NECAP2: variants seen among roughly 807,000 people sequenced by gnomAD.
NECAP2 encodes NECAP endocytosis associated 2.
NECAP2 carries 38 observed loss-of-function variants against 37.8 expected under a neutral mutation model. The observed-to-expected ratio is 1.01, with a 90% CI of 0.78 to 1.32. The LOEUF (loss-of-function observed/expected upper bound fraction) is 1.32. Ranked by LOEUF, NECAP2 falls within the 40% of genes most tolerant of loss-of-function variation. The pLI is 0.00. For synonymous variants in NECAP2, 121 were observed against 127.7 expected (o/e 0.95, Z 0.35); for missense variants, 316 against 334.5 (o/e 0.94, Z 0.43).
chr1:16,452,123 A>G (rs1274485226), intron 6 of NECAP2, 108 bp downstream of exon 6: 2 of 1,137,342 alleles, frequency 1.8e-6, no homozygotes, highest in African/African-American at 3.2e-5. Context: ...TTGGTCATGT[A>G]GTACCTGTCC....
chr1:16,441,193 TCG>T (rs1281034723), intron 1 of NECAP2: 2 of 283,154 alleles, frequency 7.1e-6, no homozygotes, highest in African/African-American at 2.2e-5. Flanking sequence ...GAAGGGATCC[TCG>T]AAAAGCCTTA....
intron 2 of NECAP2, 78 bp from the exon 3 acceptor site, chr1:16,447,792 A>G: frequency 8.5e-7 from 1 of 1,178,174 alleles, no homozygotes; most frequent in African/African-American, 1.5e-5. Flanking sequence ...TTGCGGGCAA[A>G]AGGCCCAGTA....
rs1173961602 is a variant in NECAP2, at chr1:16,449,151, A to C, written c.439A>C (p.Lys147Gln). ...AGCCCAGAACCCAGACCAAGGCCCT[A>C]AACTGGACCTGGGCTTCAAGGAGGG... ...KQAQNPDQGPKLDLGFKEGQT... is the reference protein window; with the variant it reads ...KQAQNPDQGPQLDLGFKEGQT... Residue 147 changes from lysine (K) to glutamine (Q), a missense_variant, in exon 5 of 8, where the codon AAA becomes CAA. By Grantham distance (53) the Lys-to-Gln change is moderately conservative (BLOSUM62 1). Transcript: ENST00000337132. The C allele has an allele frequency of 4.3e-6, 7 of 1,613,408 alleles. No homozygotes were observed. The highest frequency in any genetic ancestry group is 1.3e-5 in the African/African-American group (1 of 74,922).
intron 1 of NECAP2, chr1:16,441,071 G>A: frequency 1.8e-6 from 1 of 570,206 alleles, no homozygotes; most frequent in Non-Finnish European, 3.1e-6. Context: ...CGGGGAGGGC[G>A]TTAAAGCCGT....
chr1:16,450,117 C>T (rs1365245256), intron 5 of NECAP2: 2 of 444,246 alleles, frequency 4.5e-6, no homozygotes, highest in Non-Finnish European at 9.1e-6. Context: ...GATTTGGGAT[C>T]CTTGAAGTTG....
At position 16,459,012 on chromosome 1, in the gene NECAP2, C is replaced by G; in HGVS notation, c.*122C>G. On this transcript the variant is annotated 3_prime_UTR_variant, in exon 8 of 8. Coordinates refer to ENST00000337132, the MANE Select transcript of NECAP2 (RefSeq NM_018090.5). ...TGGGGCATGAATCTCTCCTCTCCTC[C>G]TTGTCTGGCTCTGTTGACAAACCGG... is the stretch of plus-strand genomic sequence containing the variant. 6.4e-7 allele frequency: 1 copy of G among 1,572,604 alleles called. No individual in the cohort carries two copies.
At chr1:16,443,446 C>T (rs2086717498) in intron 1 of NECAP2, among the ~76,000 whole-genome samples, 186 bp from the exon 2 acceptor site, 1 of 152,276 alleles carries the variant, frequency 6.6e-6, no homozygotes, top group African/African-American at 2.4e-5. Flanking sequence ...TTTTACCCTA[C>T]AGCAGCCGAG....
chr1:16,458,725 G>GA, intron 7 of NECAP2, 117 bp from the exon 8 acceptor site: 2 of 1,038,810 alleles, frequency 1.9e-6, no homozygotes, highest in Non-Finnish European at 2.9e-6. Flanking sequence ...TGCTGCTCTA[G>GA]AACATTTAGG....
rs527265251 is a variant in NECAP2, at chr1:16,455,714, T to C, written c.668-104T>C. On this transcript the variant is annotated intron_variant, in intron 6 of 7. Coordinates refer to ENST00000337132, the MANE Select transcript of NECAP2 (RefSeq NM_018090.5). ...TCCCAGCTACCTGGTGTCATGAGACTGATCACTGAGTCTCATGATTTGGTC... is the reference window on the plus strand; with the variant it reads ...TCCCAGCTACCTGGTGTCATGAGACCGATCACTGAGTCTCATGATTTGGTC... 19 of 901,138 alleles carry C rather than the reference T, an allele frequency of 2.1e-5. No homozygotes were observed. The African/African-American group carries it at 3.1e-4, about 15-fold the overall frequency. The allele number at this position is 901,138 out of a possible 1,614,324, so 55.8% of individuals were successfully genotyped here.
At chr1:16,452,524 C>A (rs763253892) in intron 6 of NECAP2, among the ~76,000 whole-genome samples, 2 of 152,038 alleles carry the variant, frequency 1.3e-5, no homozygotes, top group Non-Finnish European at 2.9e-5. Flanking sequence ...ACGAATGAGG[C>A]CCAGACTTTT....
intron 4 of NECAP2, among the ~76,000 whole-genome samples, chr1:16,448,759 A>G (rs777394064): frequency 1.3e-5 from 2 of 152,076 alleles, no homozygotes; most frequent in South Asian, 4.1e-4. Context: ...TTCTCATGTC[A>G]TATACTGTAG....
At chr1:16,455,608 C>G (rs1015038643) in intron 6 of NECAP2, 5 of 560,436 alleles carry the variant, frequency 8.9e-6, no homozygotes, top group Non-Finnish European at 1.6e-5. Context: ...TTCTCCAGAG[C>G]GCACAAGGGC....
intron 6 of NECAP2, among the ~76,000 whole-genome samples, chr1:16,455,111 T>A (rs1211568094): frequency 6.6e-6 from 1 of 152,264 alleles, no homozygotes; most frequent in Non-Finnish European, 1.5e-5. Flanking sequence ...TCTGTTCTCC[T>A]GGCCCAGAGC....
chr1:16,453,613 T>C (rs279785), intron 6 of NECAP2, among the ~76,000 whole-genome samples: 77,145 of 151,856 alleles, frequency 0.51, 20,266 homozygotes, highest in South Asian at 0.65. Flanking sequence ...TTCAGCCTCC[T>C]GAGTAGCTGA....
chr1:16,449,331 G>A lies in NECAP2; in HGVS notation c.489+130G>A. Reference sequence around the variant, plus strand: ...TTTAGTGAGCATCTGCCTTGTGCCAGGTCCTGCATCGGGGTGAACAAGAGA... The same window carrying A: ...TTTAGTGAGCATCTGCCTTGTGCCAAGTCCTGCATCGGGGTGAACAAGAGA... On this transcript the variant is annotated intron_variant, in intron 5 of 7. Transcript: ENST00000337132. The A allele has an allele frequency of 9.4e-6, 6 of 637,854 alleles. No homozygotes were observed. The South Asian group carries it at 9.8e-5, about 10-fold the overall frequency. 39.5% of individuals were successfully genotyped at this position (637,854 alleles called of 1,614,324 possible).
rs1196116617 is a variant in NECAP2, at chr1:16,460,053, T to C, written c.*1163T>C. 6.6e-6 allele frequency: 1 copy of C among 152,218 alleles called. No homozygotes were observed. The highest frequency in any genetic ancestry group is 1.5e-5 in the Non-Finnish European group (1 of 68,038). The allele number at this position is 152,218 out of a possible 1,614,324, so 9.4% of individuals were successfully genotyped here. ...TTTTTGCGGGACCAGATTTTTAAGATAAAATAAATATTTTTACTTCTGTCA... is the reference window on the plus strand; with the variant it reads ...TTTTTGCGGGACCAGATTTTTAAGACAAAATAAATATTTTTACTTCTGTCA... On this transcript the variant is annotated 3_prime_UTR_variant, in exon 8 of 8. Transcript: ENST00000337132.
Position 16,459,063 on chromosome 1 carries a change from G to A in NECAP2, c.*173G>A, listed in dbSNP as rs1039895312. On this transcript the variant is annotated 3_prime_UTR_variant, in exon 8 of 8. Transcript: ENST00000337132. ...GCATGTTTGGCAGTAAATTGGCACC[G>A]TGTCACACTGTTTCCTGGGATTCAA... 14 of 1,436,584 alleles carry A rather than the reference G, an allele frequency of 9.7e-6. No homozygotes were observed. The highest frequency in any genetic ancestry group is 7.2e-5 in the African/African-American group (5 of 69,548). 89.0% of individuals were successfully genotyped at this position (1,436,584 alleles called of 1,614,324 possible).
Position 16,459,455 on chromosome 1 carries a change from T to C in NECAP2, c.*565T>C, listed in dbSNP as rs1280148718. The C allele has an allele frequency of 6.5e-6, 1 of 152,770 alleles. No homozygotes were observed. Among genetic ancestry groups the C allele is most frequent in the East Asian group, 1.9e-4 (1 of 5,210 alleles). 9.5% of individuals were successfully genotyped at this position (152,770 alleles called of 1,614,324 possible). ...TTAGCAGCTTTTAAAAATGTTTAAA[T>C]ATTTTGCTTTGCTAATGTGCTGATC... is the stretch of plus-strand genomic sequence containing the variant. On this transcript the variant is annotated 3_prime_UTR_variant, in exon 8 of 8. Coordinates refer to ENST00000337132, the MANE Select transcript of NECAP2 (RefSeq NM_018090.5).
intron 6 of NECAP2, among the ~76,000 whole-genome samples, chr1:16,455,057 T>C (rs2086897391): frequency 6.6e-6 from 1 of 152,226 alleles, no homozygotes; most frequent in Admixed American, 6.5e-5. Context: ...CCTTGAGCAC[T>C]TGGTGAACTG....
Sources: gnomAD v4.1 joint callset for allele counts (sites outside exome capture counted in the v4.1 genomes callset) on GRCh38, gnomAD v4.1.1 for gene constraint, MANE v1.5 for transcripts, NCBI Gene and HGNC (gene_info 2026-07-23, HGNC 2026-07-21) for gene names.